The following MPP4 variants were observed in gnomAD, a reference collection of about 807,000 sequenced individuals.
MPP4 encodes the protein MAGUK p55 subfamily member 4.
MPP4 carries 91 observed loss-of-function variants against 98.3 expected under a neutral mutation model. The observed-to-expected ratio is 0.93, with a 90% confidence interval of 0.78 to 1.10. MPP4 has a LOEUF of 1.10. Ranked by LOEUF, MPP4 falls within the 50% of genes least tolerant of loss-of-function variation. MPP4 has a pLI of 0.00. For missense variants in MPP4, 744 were observed against 792.9 expected (o/e 0.94, Z 0.74); for synonymous variants, 261 against 271.8 (o/e 0.96, Z 0.39).
chr2:201,697,294 C>A (rs1352665707), intron 1 of MPP4, among the ~76,000 whole-genome samples: 1 of 152,172 alleles, frequency 6.6e-6, no homozygotes, highest in African/African-American at 2.4e-5. Flanking sequence ...AAAGCTAAGA[C>A]AAAACTCATA....
chr2:201,682,906 A>T lies in MPP4; in HGVS notation c.585T>A (p.Tyr195Ter). Residue 195 changes from tyrosine to a stop codon, truncating the protein, a stop_gained, in exon 8 of 22, where the codon TAT becomes TAA. Coordinates refer to ENST00000409474, the MANE Select transcript of MPP4 (RefSeq NM_033066.3). LOFTEE classifies it high-confidence loss of function. ...GGLAERSGLL[Y>*]AGDKLVEVNG... ...TCACTTCTACCAGTTTGTCTCCAGC[A>T]TATAGCAACCCTAGGCAGACAGTAA... is the stretch of plus-strand genomic sequence containing the variant. 1 of 1,613,872 alleles carries T rather than the reference A, an allele frequency of 6.2e-7. No homozygotes were observed. The highest frequency in any genetic ancestry group is 1.1e-5 in the South Asian group (1 of 91,080).
In MPP4 at chr2:201,645,156, T is replaced by C. The variant is rs537408244; in HGVS notation, c.*54A>G. On this transcript the variant is annotated 3_prime_UTR_variant, in exon 22 of 22. Coordinates refer to ENST00000409474, the MANE Select transcript of MPP4 (RefSeq NM_033066.3). The stretch of plus-strand genomic sequence containing the variant: ...ATACTGTTGTTTTAGATTGCAACTA[T>C]GGATCGCTGTATCAAGGGTACAGTG... The C allele has an allele frequency of 2.1e-6, 3 of 1,440,384 alleles. No homozygotes were observed. The highest frequency in any genetic ancestry group is 1.4e-5 in the African/African-American group (1 of 70,244). The allele number at this position is 1,440,384 out of a possible 1,614,324, so 89.2% of individuals were successfully genotyped here. A position where few individuals can be genotyped will look rare whatever the true frequency, so the allele number is the denominator to read the frequency against.
At chr2:201,650,041 G>A in intron 19 of MPP4, 31 bp downstream of exon 19, 1 of 1,512,238 alleles carries the variant, frequency 6.6e-7, no homozygotes, top group African/African-American at 1.4e-5. Flanking sequence ...ACAACAAGAG[G>A]TAAGAATCAG....
chr2:201,692,525 C>G (rs530003240), intron 3 of MPP4, among the ~76,000 whole-genome samples: 10 of 119,348 alleles, frequency 8.4e-5, no homozygotes, highest in African/African-American at 3.2e-4. Flanking sequence ...GCCTGGGCAA[C>G]AGAGTGAGAC....
chr2:201,657,599 T>C (rs1025723600), intron 16 of MPP4, among the ~76,000 whole-genome samples: 1 of 117,048 alleles, frequency 8.5e-6, no homozygotes, highest in African/African-American at 3.9e-5. Flanking sequence ...TGTTTTTTTT[T>C]TGTTTTTTTG....
chr2:201,664,176 T>C, intron 13 of MPP4, 75 bp from the exon 14 acceptor site: 2 of 1,507,774 alleles, frequency 1.3e-6, no homozygotes, highest in South Asian at 2.5e-5. Context: ...ATTTTAAGTC[T>C]AATTCTCTGG....
intron 20 of MPP4, among the ~76,000 whole-genome samples, chr2:201,649,300 C>A (rs1687652954): frequency 6.6e-6 from 1 of 152,150 alleles, no homozygotes; most frequent in Admixed American, 6.5e-5. Flanking sequence ...TACTCTGATG[C>A]CTTTGTGATC....
chr2:201,678,822 G>A (rs556965840), intron 10 of MPP4, among the ~76,000 whole-genome samples: 2 of 152,006 alleles, frequency 1.3e-5, no homozygotes, highest in African/African-American at 4.8e-5. Flanking sequence ...TACTTTTCTG[G>A]TAGCCATCGC....
chr2:201,655,771 A>G (rs1020966693), intron 17 of MPP4, among the ~76,000 whole-genome samples: 1 of 152,238 alleles, frequency 6.6e-6, no homozygotes, highest in African/African-American at 2.4e-5. Context: ...TTTCTAAAGG[A>G]AGTAGTTACA....
Position 201,660,202 on chromosome 2 carries a change from GA to G in MPP4, c.1087+129del, listed in dbSNP as rs1687985786. On this transcript the variant is annotated intron_variant, in intron 15 of 21. Coordinates refer to ENST00000409474, the MANE Select transcript of MPP4 (RefSeq NM_033066.3). ...TCGGGAAAAAATGTAAATATGAGGG[GA>G]AAACCATAAACAACAACAAATTCCG... is the stretch of plus-strand genomic sequence containing the variant. 4 of 894,396 alleles carry G rather than the reference GA, an allele frequency of 4.5e-6. No individual in the cohort carries two copies. The South Asian group carries it at 5.2e-5, about 12-fold the overall frequency. The allele number at this position is 894,396 out of a possible 1,614,324, so 55.4% of individuals were successfully genotyped here. A position where few individuals can be genotyped will look rare whatever the true frequency, so the allele number is the denominator to read the frequency against.
rs777749744 is a variant in MPP4 at position 201,687,391 on chromosome 2, A to C, written c.280-20T>G. ...CACTACCTGGTTCATGGAAAAGGATACATTATAAAAATTTTAAAAAATCTT... is the reference window on the plus strand; with the variant it reads ...CACTACCTGGTTCATGGAAAAGGATCCATTATAAAAATTTTAAAAAATCTT... On this transcript the variant is annotated intron_variant, in intron 4 of 21. Transcript: ENST00000409474. The C allele has an allele frequency of 1.3e-6, 2 of 1,548,490 alleles. No homozygotes were observed. Among genetic ancestry groups the C allele is most frequent in the South Asian group, 2.4e-5 (2 of 83,626 alleles).
At chr2:201,694,579 G>A (rs780861062) in intron 1 of MPP4, among the ~76,000 whole-genome samples, 1 of 126,028 alleles carries the variant, frequency 7.9e-6, no homozygotes, top group Non-Finnish European at 1.7e-5. Context: ...CCTACAATTT[G>A]TATAGAGTCT....
At chr2:201,678,243 A>G (rs1374936000) in intron 10 of MPP4, among the ~76,000 whole-genome samples, 3 of 151,790 alleles carry the variant, frequency 2.0e-5, no homozygotes, top group Admixed American at 1.3e-4. Flanking sequence ...CCACTTTCTG[A>G]CCTGAAACCA....
intron 19 of MPP4, 92 bp downstream of exon 19, chr2:201,649,980 C>A: frequency 1.6e-6 from 2 of 1,273,392 alleles, no homozygotes; most frequent in East Asian, 2.6e-5. Flanking sequence ...AAGGAATTAC[C>A]CAGGAGATTT....
At chr2:201,684,581 G>T (rs1015672437) in intron 7 of MPP4, among the ~76,000 whole-genome samples, 39 of 152,270 alleles carry the variant, frequency 2.6e-4, no homozygotes, top group African/African-American at 9.1e-4. Context: ...GATTTCTCTG[G>T]AATATTTGTT....
Position 201,644,910 on chromosome 2 carries a change from CTT to C in MPP4, c.*298_*299del, listed in dbSNP as rs1438044050. 5 of 212,568 alleles carry C rather than the reference CTT, an allele frequency of 2.4e-5. No homozygotes were observed. Among genetic ancestry groups the C allele is most frequent in the Non-Finnish European group, 3.7e-5 (4 of 109,346 alleles). 13.2% of individuals were successfully genotyped at this position (212,568 alleles called of 1,614,324 possible). ...ATTGCTTATTTTATTTAGGAAAGCT[CTT>C]TATTTAAATCTTAAAAAGATCATGT... On this transcript the variant is annotated 3_prime_UTR_variant, in exon 22 of 22. Transcript: ENST00000409474.
chr2:201,666,146 T>C, intron 13 of MPP4, 188 bp downstream of exon 13: 1 of 488,946 alleles, frequency 2.0e-6, no homozygotes. Context: ...AGTGGGAACC[T>C]GGAGACATTA....
Position 201,645,014 on chromosome 2 carries a change from GA to G in MPP4, c.*195del, listed in dbSNP as rs11399802. On this transcript the variant is annotated 3_prime_UTR_variant, in exon 22 of 22. Transcript: ENST00000409474. ...TACCACAGCTGCATATGAGGTAAAG[GA>G]AAAAAAATTAAGTTAAAATAGGTAA... 1.8e-5 allele frequency: 7 copies of G among 397,256 alleles called. No homozygotes were observed. The highest frequency in any genetic ancestry group is 3.8e-5 in the East Asian group (1 of 26,124). 24.6% of individuals were successfully genotyped at this position (397,256 alleles called of 1,614,324 possible). A position where few individuals can be genotyped will look rare whatever the true frequency, so the allele number is the denominator to read the frequency against.
intron 11 of MPP4, among the ~76,000 whole-genome samples, chr2:201,672,701 G>A (rs377139796): frequency 1.3e-5 from 2 of 152,204 alleles, no homozygotes; most frequent in East Asian, 3.9e-4. Context: ...ACTAAACCAG[G>A]AAGTAGTTGA....
Sources: allele counts gnomAD v4.1 joint callset (sites outside exome capture counted in the v4.1 genomes callset), GRCh38; gene constraint gnomAD v4.1.1; transcripts MANE v1.5; gene names NCBI Gene and HGNC (gene_info 2026-07-23, HGNC 2026-07-21).